Variants in KIAA1217 observed in about 807,000 individuals in gnomAD.
KIAA1217 encodes the protein sickle tail protein homolog.
A neutral mutation model predicts 163.9 loss-of-function variants in KIAA1217; 88 were observed. The ratio of observed to expected loss-of-function variants is 0.54; its 90% CI spans 0.45 to 0.64. The LOEUF (loss-of-function observed/expected upper bound fraction) is 0.64. Among genes scored for constraint, KIAA1217 ranks in the 30% least tolerant of loss-of-function variants. The pLI is 0.00. For missense variants in KIAA1217, 2,372 were observed against 2,475.0 expected, an observed-to-expected ratio of 0.96 and a Z score of 0.88; for synonymous variants, 903 against 923.1, an observed-to-expected ratio of 0.98 and a Z score of 0.39.
intron 1 of KIAA1217, among the ~76,000 whole-genome samples, chr10:23,795,175 A>C (rs1049872930): frequency 2.6e-5 from 4 of 152,206 alleles, no homozygotes; most frequent in African/African-American, 9.6e-5. Context: ...GGGGCTATGG[A>C]GAGAGATCAC....
Position 24,253,380 on chromosome 10 carries a change from G to A in KIAA1217, c.354+33471G>A, listed in dbSNP as rs140865006. On this transcript the variant is annotated intron_variant, in intron 2 of 20. Transcript: ENST00000376454. ...GCACTGTGGAACTCCAGGGTGCTACGTAGCTCACCACGGTGACCCCCAATG... is the reference window on the plus strand; with the variant it reads ...GCACTGTGGAACTCCAGGGTGCTACATAGCTCACCACGGTGACCCCCAATG... Among the ~76,000 whole-genome samples the A allele has an allele frequency of 1.7e-3, 253 of 152,246 alleles. 1 individual carries two copies. The highest frequency in any genetic ancestry group is 5.4e-3 in the African/African-American group (225 of 41,546).
chr10:24,538,617 AAGGAAAAAGAG>A (rs1402974077), intron 17 of KIAA1217, among the ~76,000 whole-genome samples: 11 of 80,038 alleles, frequency 1.4e-4, no homozygotes, highest in Admixed American at 3.8e-4. Flanking sequence ...AAAAGAGAGG[AAGGAAAAAGAG>A]AGGAAGGAAA....
At chr10:24,009,042 G>T in intron 2 of KIAA1217, among the ~76,000 whole-genome samples, 1 of 152,180 alleles carries the variant, frequency 6.6e-6, no homozygotes, top group Admixed American at 6.5e-5. Flanking sequence ...CGTGGGAGGA[G>T]ACCCTGGCAA....
intron 2 of KIAA1217, among the ~76,000 whole-genome samples, chr10:24,189,205 C>T (rs2066596857): frequency 6.6e-6 from 1 of 151,784 alleles, no homozygotes; most frequent in Non-Finnish European, 1.5e-5. Flanking sequence ...GAGAGGAATA[C>T]ATGATCCTAC....
chr10:24,229,741 A>T (rs1297033720), intron 2 of KIAA1217, among the ~76,000 whole-genome samples: 3 of 151,676 alleles, frequency 2.0e-5, no homozygotes, highest in South Asian at 4.2e-4. Context: ...CTGGTCTCAA[A>T]CTCCTGACCT....
intron 2 of KIAA1217, among the ~76,000 whole-genome samples, chr10:24,047,907 G>A (rs1849156725): frequency 6.6e-6 from 1 of 152,188 alleles, no homozygotes; most frequent in Non-Finnish European, 1.5e-5. Flanking sequence ...TCTTGAAAAG[G>A]TGCACTCAGT....
At chr10:24,234,690 AC>A (rs2131169944) in intron 2 of KIAA1217, among the ~76,000 whole-genome samples, 1 of 151,010 alleles carries the variant, frequency 6.6e-6, no homozygotes, top group South Asian at 2.1e-4. Context: ...GAAACTACAT[AC>A]AAAAAACTTG....
intron 1 of KIAA1217, among the ~76,000 whole-genome samples, chr10:23,717,425 G>A (rs1319468226): frequency 6.6e-6 from 1 of 152,032 alleles, no homozygotes; most frequent in African/African-American, 2.4e-5. Context: ...CACACTATGA[G>A]GTAGGAGTTT....
At chr10:24,351,196 C>T (rs1178273953) in intron 2 of KIAA1217, among the ~76,000 whole-genome samples, 1 of 152,212 alleles carries the variant, frequency 6.6e-6, no homozygotes, top group Non-Finnish European at 1.5e-5. Context: ...GATCCGCCCA[C>T]CTCGGCCTCC....
At chr10:24,195,619 C>T (rs1239132176) in intron 2 of KIAA1217, among the ~76,000 whole-genome samples, 1 of 152,078 alleles carries the variant, frequency 6.6e-6, no homozygotes, top group Non-Finnish European at 1.5e-5. Flanking sequence ...TGAAAATGCT[C>T]CCAGGAAAGT....
chr10:24,474,129 G>T, intron 6 of KIAA1217, 69 bp downstream of exon 6: 1 of 1,141,234 alleles, frequency 8.8e-7, no homozygotes. Context: ...GCTCTACAGG[G>T]GTCAAACCGA....
At chr10:23,946,088 C>G (rs2131344588) in intron 1 of KIAA1217, among the ~76,000 whole-genome samples, 1 of 152,024 alleles carries the variant, frequency 6.6e-6, no homozygotes, top group East Asian at 1.9e-4. Flanking sequence ...ATAGTTATGG[C>G]AGAAACCACA....
intron 1 of KIAA1217, among the ~76,000 whole-genome samples, chr10:23,929,160 C>T (rs1180114803): frequency 6.6e-6 from 1 of 152,036 alleles, no homozygotes; most frequent in Admixed American, 6.6e-5. Context: ...TTTAATATTG[C>T]TATGCTAAGA....
At chr10:24,173,764 G>A (rs897860878) in intron 2 of KIAA1217, among the ~76,000 whole-genome samples, 3 of 152,170 alleles carry the variant, frequency 2.0e-5, no homozygotes, top group African/African-American at 7.2e-5. Flanking sequence ...ATACTTAACA[G>A]TTATCAACTA....
chr10:23,795,975 T>G (rs1354028091), intron 1 of KIAA1217, among the ~76,000 whole-genome samples: 1 of 152,252 alleles, frequency 6.6e-6, no homozygotes, highest in African/African-American at 2.4e-5. Context: ...TTTTCAAGGC[T>G]AAGTGCCTGG....
At chr10:24,063,059 G>A (rs1264927821) in intron 2 of KIAA1217, among the ~76,000 whole-genome samples, 6 of 151,832 alleles carry the variant, frequency 4.0e-5, no homozygotes, top group African/African-American at 1.5e-4. Context: ...AGATGAGTAG[G>A]TTGCAAAAAT....
intron 8 of KIAA1217, among the ~76,000 whole-genome samples, chr10:24,500,081 C>T (rs977141715): frequency 2.6e-5 from 4 of 152,198 alleles, no homozygotes; most frequent in African/African-American, 9.7e-5. Context: ...AGGGTACCAC[C>T]ACACTATAGC....
At chr10:24,433,273 T>A in intron 4 of KIAA1217, 80 bp downstream of exon 4, 3 of 1,061,874 alleles carry the variant, frequency 2.8e-6, no homozygotes, top group Non-Finnish European at 4.1e-6. Flanking sequence ...TTTGAGGGGT[T>A]TTTTTTTACC....
intron 17 of KIAA1217, among the ~76,000 whole-genome samples, chr10:24,542,068 G>C (rs889978622): frequency 6.6e-6 from 1 of 152,182 alleles, no homozygotes; most frequent in Non-Finnish European, 1.5e-5. Context: ...ATTTCAATCT[G>C]TCATTTGATC....
Sources: gnomAD v4.1 joint callset for allele counts (sites outside exome capture counted in the v4.1 genomes callset) on GRCh38, gnomAD v4.1.1 for gene constraint, MANE v1.5 for transcripts, NCBI Gene and HGNC (gene_info 2026-07-23, HGNC 2026-07-21) for gene names.